The following METTL15 variants were observed in gnomAD, a reference collection of about 807,000 sequenced individuals.
The protein encoded by METTL15 is methyltransferase 15, mitochondrial 12S rRNA N4-cytidine, also known as 12S rRNA N(4)-cytidine methyltransferase METTL15.
A neutral mutation model predicts 38.3 loss-of-function variants in METTL15; 34 were observed. The ratio of observed to expected loss-of-function variants is 0.89; its 90% CI spans 0.68 to 1.18. The LOEUF is 1.18. METTL15 is among the 50% of genes most tolerant of loss of function. The pLI, the probability that METTL15 is intolerant of heterozygous loss-of-function variation, is 0.00. For missense variants in METTL15, 438 were observed against 498.4 expected, an observed-to-expected ratio of 0.88 and a Z score of 1.15; for synonymous variants, 162 against 170.9, an observed-to-expected ratio of 0.95 and a Z score of 0.41.
At chr11:28,170,603 G>A (rs1317981125) in intron 3 of METTL15, among the ~76,000 whole-genome samples, 2 of 152,116 alleles carry the variant, frequency 1.3e-5, no homozygotes, top group Non-Finnish European at 2.9e-5. Context: ...CTGGGAAAGA[G>A]GTGGGCAATT....
intron 4 of METTL15, among the ~76,000 whole-genome samples, chr11:28,223,327 T>C (rs1853330125): frequency 1.3e-5 from 2 of 152,120 alleles, no homozygotes; most frequent in African/African-American, 4.8e-5. Context: ...GAGTTATATA[T>C]AATTTATTAA....
intron 5 of METTL15, among the ~76,000 whole-genome samples, chr11:28,292,437 T>C (rs1408602972): frequency 1.3e-5 from 2 of 152,094 alleles, no homozygotes; most frequent in Non-Finnish European, 2.9e-5. Flanking sequence ...ATGTGCCACA[T>C]TTTCTTAATC....
chr11:28,518,919 T>A (rs1437345625), intron 6 of METTL15, among the ~76,000 whole-genome samples: 1 of 152,224 alleles, frequency 6.6e-6, no homozygotes, highest in Admixed American at 6.5e-5. Flanking sequence ...GTACATAAGC[T>A]TGCTGAAATT....
chr11:28,124,614 A>G (rs536314879), intron 3 of METTL15, among the ~76,000 whole-genome samples: 15 of 152,264 alleles, frequency 9.9e-5, no homozygotes, highest in African/African-American at 2.6e-4. Context: ...GTTGAGGGAA[A>G]TAAAAAACTG....
chr11:28,465,525 A>G (rs1851249911), intron 6 of METTL15, among the ~76,000 whole-genome samples: 1 of 152,156 alleles, frequency 6.6e-6, no homozygotes, highest in African/African-American at 2.4e-5. Context: ...GAAGCCTCTC[A>G]TACTCAAAAT....
chr11:28,149,188 A>AT lies in METTL15; in HGVS notation c.270+35600dup, dbSNP rs577799533. Among the ~76,000 whole-genome samples the AT allele has an allele frequency of 0.021, 2,830 of 136,740 alleles. 321 individuals carry two copies. In the East Asian group the frequency reaches 0.36, roughly 17 times the overall value. The allele number at this position is 136,740 out of a possible 152,430, so 89.7% of individuals were successfully genotyped here. A position where few individuals can be genotyped will look rare whatever the true frequency, so the allele number is the denominator to read the frequency against. On this transcript the variant is annotated intron_variant, in intron 3 of 6. Coordinates refer to ENST00000407364, the MANE Select transcript of METTL15 (RefSeq NM_001113528.2). The stretch of plus-strand genomic sequence containing the variant: ...CTTCTGGACTTCAATTCATTTTCTG[A>AT]TTTTTTTTTTTTTTTTAGCCATTTC...
chr11:28,297,598 TTATAGCCTCTCTG>T (rs1856786339), intron 6 of METTL15, among the ~76,000 whole-genome samples: 1 of 152,242 alleles, frequency 6.6e-6, no homozygotes, highest in Admixed American at 6.5e-5. Context: ...AGGCGCTTTA[TTATAGCCTCTCTG>T]TTTGAAGCCA....
chr11:28,129,882 A>G (rs1248217119), intron 3 of METTL15, among the ~76,000 whole-genome samples: 4 of 152,172 alleles, frequency 2.6e-5, no homozygotes, highest in South Asian at 2.1e-4. Context: ...TTTATCTTAT[A>G]ATTAAAGGCT....
intron 4 of METTL15, among the ~76,000 whole-genome samples, chr11:28,285,568 T>C (rs553021537): frequency 1.3e-5 from 2 of 152,106 alleles, no homozygotes; most frequent in Non-Finnish European, 2.9e-5. Flanking sequence ...ATCAAAGTGT[T>C]TTAAGTAACA....
intron 3 of METTL15, among the ~76,000 whole-genome samples, chr11:28,203,504 C>T (rs1389302197): frequency 6.6e-6 from 1 of 151,960 alleles, no homozygotes; most frequent in Admixed American, 6.6e-5. Flanking sequence ...TTTGAAGAAA[C>T]AATTGTTTTT....
At chr11:28,462,479 TACACACACACACACACACAC>T (rs10573384) in intron 6 of METTL15, among the ~76,000 whole-genome samples, 6 of 146,328 alleles carry the variant, frequency 4.1e-5, no homozygotes, top group Non-Finnish European at 6.0e-5. Context: ...CATACACGCT[TACACACACACACACACACAC>T]ACACACACAC....
chr11:28,209,365 A>G (rs1310548378), intron 3 of METTL15, among the ~76,000 whole-genome samples: 1 of 152,050 alleles, frequency 6.6e-6, no homozygotes, highest in Non-Finnish European at 1.5e-5. Context: ...TTTCAAATTG[A>G]TGTAATGCAT....
intron 6 of METTL15, among the ~76,000 whole-genome samples, chr11:28,522,908 T>C (rs899526111): frequency 6.6e-6 from 1 of 152,232 alleles, no homozygotes; most frequent in Non-Finnish European, 1.5e-5. Flanking sequence ...ACTTTTACAT[T>C]ATTTTATTCA....
rs942957890 is a variant in METTL15, at chr11:28,193,217, G to A, written c.271-17845G>A. 4.6e-5 allele frequency among the ~76,000 whole-genome samples: 7 copies of A among 152,008 alleles called. 1 individual carries two copies. Among genetic ancestry groups the A allele is most frequent in the African/African-American group, 1.7e-4 (7 of 41,382 alleles). On this transcript the variant is annotated intron_variant, in intron 3 of 6. Coordinates refer to ENST00000407364, the MANE Select transcript of METTL15 (RefSeq NM_001113528.2). ...AGATGTTTACCCTCTGTATTAGTCA[G>A]TTCTCACACTGCTATAAAGAAATAT...
chr11:28,380,614 T>G (rs1031271328), intron 5 of METTL15, among the ~76,000 whole-genome samples: 3 of 152,218 alleles, frequency 2.0e-5, no homozygotes, highest in African/African-American at 7.2e-5. Flanking sequence ...AATTTGTTAA[T>G]TTGTTGCTTT....
At chr11:28,490,126 C>T (rs1467943422) in intron 6 of METTL15, among the ~76,000 whole-genome samples, 3 of 152,112 alleles carry the variant, frequency 2.0e-5, no homozygotes, top group African/African-American at 7.2e-5. Flanking sequence ...CTTTACTTAT[C>T]TTTTCAGTAG....
chr11:28,132,279 C>G (rs142445268), intron 3 of METTL15, among the ~76,000 whole-genome samples: 3 of 152,064 alleles, frequency 2.0e-5, no homozygotes, highest in Admixed American at 6.5e-5. Context: ...ATAATGGTCT[C>G]TTGACTGATT....
At chr11:28,421,465 AT>A (rs1349802253) in intron 5 of METTL15, among the ~76,000 whole-genome samples, 2 of 152,120 alleles carry the variant, frequency 1.3e-5, no homozygotes, top group African/African-American at 4.8e-5. Flanking sequence ...CGTCAACAGT[AT>A]ACAAGCAAAC....
chr11:28,432,099 G>A (rs906051848), intron 6 of METTL15, among the ~76,000 whole-genome samples: 4 of 152,198 alleles, frequency 2.6e-5, no homozygotes, highest in Admixed American at 2.0e-4. Flanking sequence ...ATCTCATGGA[G>A]AATACCTTTG....
Sources: gnomAD v4.1 joint callset for allele counts (sites outside exome capture counted in the v4.1 genomes callset) on GRCh38, gnomAD v4.1.1 for gene constraint, MANE v1.5 for transcripts, NCBI Gene and HGNC (gene_info 2026-07-23, HGNC 2026-07-21) for gene names.